CTXND1: variants seen among roughly 807,000 people sequenced by gnomAD.
CTXND1 encodes the protein cortexin domain containing 1, also known as cortexin domain-containing 1 protein.
chr15:80,233,890 T>C (rs767411993), intron 1 of CTXND1, among the ~76,000 whole-genome samples: 7 of 152,244 alleles, frequency 4.6e-5, no homozygotes, highest in Non-Finnish European at 8.8e-5. Context: ...TGGGTGCCCA[T>C]GGCCCTCAGG....
intron 1 of CTXND1, among the ~76,000 whole-genome samples, chr15:80,206,040 C>T (rs1430428088): frequency 6.6e-6 from 1 of 151,962 alleles, no homozygotes; most frequent in Non-Finnish European, 1.5e-5. Flanking sequence ...AAGAATTATA[C>T]AGTAAACAAA....
chr15:80,239,791 C>A (rs549565990), intron 1 of CTXND1, among the ~76,000 whole-genome samples: 7 of 152,170 alleles, frequency 4.6e-5, no homozygotes, highest in South Asian at 4.1e-4. Flanking sequence ...ATTCAAGGAT[C>A]ACCATGCTCA....
chr15:80,207,685 G>T (rs533883343), intron 1 of CTXND1, among the ~76,000 whole-genome samples: 2 of 152,290 alleles, frequency 1.3e-5, no homozygotes, highest in Non-Finnish European at 2.9e-5. Flanking sequence ...CTGCAGAGAG[G>T]ATTCACCATT....
chr15:80,207,711 C>A (rs148042409), intron 1 of CTXND1, among the ~76,000 whole-genome samples: 2 of 152,318 alleles, frequency 1.3e-5, no homozygotes, highest in African/African-American at 4.8e-5. Context: ...TGGTAAGCAA[C>A]TATTGTGAAG....
At chr15:80,213,231 A>G (rs1342849921) in intron 1 of CTXND1, among the ~76,000 whole-genome samples, 1 of 152,182 alleles carries the variant, frequency 6.6e-6, no homozygotes, top group African/African-American at 2.4e-5. Context: ...TTGGACTTTA[A>G]TGCTATAATG....
chr15:80,236,094 A>G (rs140755557), intron 1 of CTXND1, among the ~76,000 whole-genome samples: 1 of 150,228 alleles, frequency 6.7e-6, no homozygotes, highest in Non-Finnish European at 1.5e-5. Context: ...GGAACACCCC[A>G]GTGATGCTCA....
At chr15:80,244,231 T>C (rs1203810489) in intron 1 of CTXND1, among the ~76,000 whole-genome samples, 1 of 152,260 alleles carries the variant, frequency 6.6e-6, no homozygotes, top group Non-Finnish European at 1.5e-5. Flanking sequence ...CCTTCTTTCC[T>C]CTGAGCCTAG....
intron 1 of CTXND1, among the ~76,000 whole-genome samples, chr15:80,229,567 G>A (rs1408921984): frequency 6.6e-6 from 1 of 152,162 alleles, no homozygotes; most frequent in Non-Finnish European, 1.5e-5. Context: ...CACCACAAGG[G>A]TTCATGTGTG....
intron 1 of CTXND1, among the ~76,000 whole-genome samples, chr15:80,249,687 C>G (rs1025978267): frequency 6.6e-6 from 1 of 152,202 alleles, no homozygotes; most frequent in Admixed American, 6.5e-5. Context: ...CCCACAAATG[C>G]CAGTGTTCTT....
chr15:80,225,428 C>G (rs1893361443), intron 1 of CTXND1, among the ~76,000 whole-genome samples: 1 of 150,352 alleles, frequency 6.7e-6, no homozygotes, highest in South Asian at 2.1e-4. Context: ...AATTTTTCCC[C>G]TTTTTTCCCC....
At chr15:80,210,764 A>G (rs74027267) in intron 1 of CTXND1, among the ~76,000 whole-genome samples, 2,026 of 152,342 alleles carry the variant, frequency 0.013, 29 homozygotes, top group African/African-American at 0.035. Context: ...GGTGGATTAA[A>G]CAGTAGAAAT....
intron 1 of CTXND1, among the ~76,000 whole-genome samples, chr15:80,235,907 G>T (rs547883751): frequency 2.0e-5 from 3 of 151,124 alleles, no homozygotes; most frequent in African/African-American, 7.3e-5. Flanking sequence ...AGGACTTAGA[G>T]GAATTAATAT....
chr15:80,248,091 G>A (rs1023551505), intron 1 of CTXND1, among the ~76,000 whole-genome samples: 1 of 152,230 alleles, frequency 6.6e-6, no homozygotes, highest in African/African-American at 2.4e-5. Flanking sequence ...ATGCCCTCCA[G>A]GGACCTGAGG....
chr15:80,241,602 C>T (rs1210077894), intron 1 of CTXND1, among the ~76,000 whole-genome samples: 1 of 152,190 alleles, frequency 6.6e-6, no homozygotes, highest in Non-Finnish European at 1.5e-5. Flanking sequence ...CTCTGCAGGG[C>T]AGGGTGGGTG....
chr15:80,226,236 G>A (rs996910772), intron 1 of CTXND1, among the ~76,000 whole-genome samples: 9 of 152,216 alleles, frequency 5.9e-5, no homozygotes, highest in Admixed American at 3.3e-4. Context: ...TGGATTTAAA[G>A]CAGAGCTTTA....
chr15:80,224,675 A>G (rs1893354199), intron 1 of CTXND1, among the ~76,000 whole-genome samples: 1 of 152,224 alleles, frequency 6.6e-6, no homozygotes, highest in African/African-American at 2.4e-5. Flanking sequence ...ATATCAAGTG[A>G]CCCAAACAAT....
chr15:80,227,777 C>T (rs1361294254), intron 1 of CTXND1, among the ~76,000 whole-genome samples: 1 of 152,194 alleles, frequency 6.6e-6, no homozygotes, highest in Non-Finnish European at 1.5e-5. Flanking sequence ...AGGGTCTTGC[C>T]TAGTCGTTGA....
chr15:80,209,459 T>C (rs956399632), intron 1 of CTXND1, among the ~76,000 whole-genome samples: 1 of 152,184 alleles, frequency 6.6e-6, no homozygotes, highest in Non-Finnish European at 1.5e-5. Context: ...CCATCTGCCA[T>C]GTTCTTGCAG....
chr15:80,210,035 A>C (rs1893189277), intron 1 of CTXND1, among the ~76,000 whole-genome samples: 1 of 152,250 alleles, frequency 6.6e-6, no homozygotes, highest in Non-Finnish European at 1.5e-5. Flanking sequence ...AAGATTAGAA[A>C]CCTACTCAAT....
Sources: allele counts gnomAD v4.1 joint callset (sites outside exome capture counted in the v4.1 genomes callset), GRCh38; gene constraint gnomAD v4.1.1; transcripts MANE v1.5; gene names NCBI Gene and HGNC (gene_info 2026-07-23, HGNC 2026-07-21).